ZNF83: variants seen among roughly 807,000 people sequenced by gnomAD.
The protein encoded by ZNF83 is zinc finger protein 816B.
For missense variants in ZNF83, 552 were observed against 629.9 expected (o/e 0.88, Z 1.32); for synonymous variants, 209 against 213.0 (o/e 0.98, Z 0.17).
At chr19:52,643,771 T>A (rs1600220660) in intron 3 of ZNF83, among the ~76,000 whole-genome samples, 1 of 139,718 alleles carries the variant, frequency 7.2e-6, no homozygotes, top group Admixed American at 7.1e-5. Flanking sequence ...CAGATGGGGG[T>A]GGGAGGGCAT....
chr19:52,681,155 G>A (rs2061910619), intron 1 of ZNF83, among the ~76,000 whole-genome samples: 1 of 151,334 alleles, frequency 6.6e-6, no homozygotes, highest in African/African-American at 2.4e-5. Context: ...CATGGTGGCA[G>A]GCACCTGTAA....
At chr19:52,664,036 C>T (rs1012391730) in intron 1 of ZNF83, among the ~76,000 whole-genome samples, 2 of 152,192 alleles carry the variant, frequency 1.3e-5, no homozygotes, top group African/African-American at 2.4e-5. Flanking sequence ...AGGCAAGCAT[C>T]ACCATGCTCA....
chr19:52,631,680 G>C (rs964662374), intron 2 of ZNF83, among the ~76,000 whole-genome samples: 6 of 152,134 alleles, frequency 3.9e-5, no homozygotes, highest in African/African-American at 1.2e-4. Flanking sequence ...GTATCTCTCT[G>C]ATCCATCTGA....
At chr19:52,612,880 TCTAG>T in exon 3 of ZNF83, 1 of 701,628 alleles carries the variant, frequency 1.4e-6, no homozygotes, top group Non-Finnish European at 2.3e-6. Context: ...TCCTCTATGG[TCTAG>T]CTAACGGTTA....
intron 1 of ZNF83, among the ~76,000 whole-genome samples, chr19:52,687,109 A>G (rs2062029233): frequency 6.6e-6 from 1 of 150,890 alleles, no homozygotes; most frequent in Admixed American, 6.6e-5. Flanking sequence ...TGAACCCAGA[A>G]AGCAGAGGTT....
rs539132904 is a variant in ZNF83 at position 52,689,784 on chromosome 19, A to G, written c.-283+659T>C. On this transcript the variant is annotated intron_variant, in intron 1 of 5. Transcript: ENST00000594682. ...TCTCCTGATCCCTTTGGCCCACACA[A>G]TCACAGGAGGGTTTGGAGTAAGACG... is the stretch of plus-strand genomic sequence containing the variant. 1.1e-3 allele frequency among the ~76,000 whole-genome samples: 162 copies of G among 151,876 alleles called. 1 individual carries two copies. Among genetic ancestry groups the G allele is most frequent in the East Asian group, 4.8e-3 (25 of 5,170 alleles).
chr19:52,618,587 A>G, intron 2 of ZNF83: 1 of 246,880 alleles, frequency 4.1e-6, no homozygotes, highest in Non-Finnish European at 7.7e-6. Context: ...AGTAGAGATG[A>G]CGTTTCGCCA....
At chr19:52,670,472 T>G (rs929651104) in intron 1 of ZNF83, among the ~76,000 whole-genome samples, 3 of 152,176 alleles carry the variant, frequency 2.0e-5, no homozygotes, top group African/African-American at 4.8e-5. Flanking sequence ...TCTATATAAG[T>G]AAATTGCCTT....
At chr19:52,644,790 G>A (rs2061351447) in intron 3 of ZNF83, among the ~76,000 whole-genome samples, 1 of 151,198 alleles carries the variant, frequency 6.6e-6, no homozygotes, top group Admixed American at 6.6e-5. Flanking sequence ...CGAGGCAGGT[G>A]GAGGTCTCAG....
At chr19:52,674,196 G>A (rs1332362015) in intron 1 of ZNF83, 1 of 152,116 alleles carries the variant, frequency 6.6e-6, no homozygotes, top group Non-Finnish European at 1.5e-5. Context: ...TTCCTGTGAG[G>A]TTGGGGCTGT....
intron 3 of ZNF83, among the ~76,000 whole-genome samples, chr19:52,649,551 T>C (rs912342748): frequency 6.6e-6 from 1 of 152,084 alleles, no homozygotes; most frequent in East Asian, 1.9e-4. Flanking sequence ...ATGAAAGATA[T>C]AAGGGAAATG....
At chr19:52,647,407 A>G (rs551684849) in intron 3 of ZNF83, among the ~76,000 whole-genome samples, 1 of 152,254 alleles carries the variant, frequency 6.6e-6, no homozygotes, top group Non-Finnish European at 1.5e-5. Flanking sequence ...TGGCCTCTAG[A>G]GTAGCTGTGA....
rs56916405 is a variant in ZNF83, at chr19:52,681,280, C to CAAAAAAAAAAAAAA, written c.-283+9149_-283+9162dup. The stretch of plus-strand genomic sequence containing the variant: ...CCTGGGTGACAGAGTGAGACTTTCT[C>CAAAAAAAAAAAAAA]AAAAAAAAAAAAAAAAAAAAAGCAA... On this transcript the variant is annotated intron_variant, in intron 1 of 5. Transcript: ENST00000594682. 2.3e-3 allele frequency among the ~76,000 whole-genome samples: 170 copies of CAAAAAAAAAAAAAA among 75,390 alleles called. 4 individuals carry two copies. The highest frequency in any genetic ancestry group is 3.2e-3 in the South Asian group (5 of 1,560). The allele number at this position is 75,390 out of a possible 152,430, so 49.5% of individuals were successfully genotyped here. A position where few individuals can be genotyped will look rare whatever the true frequency, so the allele number is the denominator to read the frequency against.
At chr19:52,685,913 A>T (rs2869087) in intron 1 of ZNF83, among the ~76,000 whole-genome samples, 1 of 59,508 alleles carries the variant, frequency 1.7e-5, no homozygotes, top group African/African-American at 8.2e-5. Flanking sequence ...AAAAAAAAAA[A>T]AAAAAAAAAA....
At chr19:52,684,184 C>A (rs2061974878) in intron 1 of ZNF83, among the ~76,000 whole-genome samples, 1 of 152,028 alleles carries the variant, frequency 6.6e-6, no homozygotes, top group Admixed American at 6.6e-5. Flanking sequence ...GCCTGGCCAA[C>A]ATCGTGAAAC....
exon 3 of ZNF83, chr19:52,612,874 C>G (rs2060149224): frequency 5.9e-6 from 4 of 679,524 alleles, no homozygotes; most frequent in Non-Finnish European, 9.5e-6. Context: ...TTTCTGTCCT[C>G]TATGGTCTAG....
chr19:52,665,319 G>A (rs530469048), intron 1 of ZNF83, among the ~76,000 whole-genome samples: 1 of 152,088 alleles, frequency 6.6e-6, no homozygotes, highest in South Asian at 2.1e-4. Context: ...AGGAAGCAGG[G>A]GTAGGAGGAT....
At chr19:52,686,032 C>A (rs374046034) in intron 1 of ZNF83, among the ~76,000 whole-genome samples, 67 of 152,122 alleles carry the variant, frequency 4.4e-4, no homozygotes, top group African/African-American at 1.2e-3. Context: ...TTAATAGCTC[C>A]CAGCTCAAGA....
At chr19:52,671,952 G>T (rs993661458) in intron 1 of ZNF83, among the ~76,000 whole-genome samples, 2 of 152,090 alleles carry the variant, frequency 1.3e-5, no homozygotes, top group African/African-American at 2.4e-5. Context: ...TATAAAATTG[G>T]CTGGGCACAT....
Sources: gnomAD v4.1 joint callset for allele counts (sites outside exome capture counted in the v4.1 genomes callset) on GRCh38, gnomAD v4.1.1 for gene constraint, MANE v1.5 for transcripts, NCBI Gene and HGNC (gene_info 2026-07-23, HGNC 2026-07-21) for gene names.